The following KIF25 variants were observed in gnomAD, a reference collection of about 807,000 sequenced individuals.
KIF25 encodes the protein kinesin family member 25.
A neutral mutation model predicts 32.9 loss-of-function variants in KIF25; 19 were observed. The ratio of observed to expected loss-of-function variants is 0.58; its 90% CI spans 0.40 to 0.85. KIF25 has a LOEUF of 0.85. KIF25 is among the 40% of genes least tolerant of loss of function. KIF25 has a pLI of 0.00. For missense variants in KIF25, 485 were observed against 507.0 expected, an observed-to-expected ratio of 0.96 and a Z score of 0.42; for synonymous variants, 225 against 213.7, an observed-to-expected ratio of 1.05 and a Z score of -0.46.
intron 7 of KIF25, among the ~76,000 whole-genome samples, 158 bp from the exon 8 acceptor site, chr6:168,033,724 T>C (rs1796929663): frequency 6.6e-6 from 1 of 152,108 alleles, no homozygotes; most frequent in Non-Finnish European, 1.5e-5. Flanking sequence ...ATGCAAAAAA[T>C]AGTTGTAGTT....
intron 4 of KIF25, among the ~76,000 whole-genome samples, chr6:168,015,958 G>A (rs565096674): frequency 1.6e-4 from 25 of 152,320 alleles, no homozygotes; most frequent in African/African-American, 5.8e-4. Context: ...TATGGTTAAA[G>A]CTTGGACATT....
intron 2 of KIF25, among the ~76,000 whole-genome samples, chr6:168,000,625 T>G (rs1175281604): frequency 1.1e-5 from 1 of 94,628 alleles, no homozygotes; most frequent in Non-Finnish European, 2.2e-5. Flanking sequence ...AACCTGCCCC[T>G]CCCCACTCCC....
intron 5 of KIF25, among the ~76,000 whole-genome samples, chr6:168,022,940 C>T (rs1399123683): frequency 6.8e-6 from 1 of 146,516 alleles, no homozygotes; most frequent in African/African-American, 2.4e-5. Context: ...GGATTCTGTG[C>T]TCACTTGCGG....
chr6:168,022,467 C>G (rs1344894713), intron 5 of KIF25, among the ~76,000 whole-genome samples: 1 of 152,022 alleles, frequency 6.6e-6, no homozygotes, highest in African/African-American at 2.4e-5. Flanking sequence ...ACTCTATCAC[C>G]CAGGCTGGAG....
intron 2 of KIF25, among the ~76,000 whole-genome samples, chr6:168,001,517 G>C (rs903759441): frequency 2.0e-5 from 3 of 152,266 alleles, no homozygotes; most frequent in African/African-American, 7.2e-5. Context: ...CAGAAATGGG[G>C]CTCCTCAGCT....
In KIF25 at chr6:168,041,962, C is replaced by T. The variant is rs1180190088; in HGVS notation, c.647-7C>T. On this transcript the variant is annotated splice_polypyrimidine_tract_variant and splice_region_variant and intron_variant, in intron 10 of 12. Transcript: ENST00000643607. ...TTTCCTCCTCGTCGCTCCTTGGTCCCTTGCAGCAGACCAAGCCTGCAGTGC... is the reference window on the plus strand; with the variant it reads ...TTTCCTCCTCGTCGCTCCTTGGTCCTTTGCAGCAGACCAAGCCTGCAGTGC... The T allele has an allele frequency of 3.2e-6, 5 of 1,551,150 alleles. No individual in the cohort carries two copies. Among genetic ancestry groups the T allele is most frequent in the Admixed American group, 2.0e-5 (1 of 50,990 alleles).
chr6:168,038,150 C>A (rs1311078564), intron 8 of KIF25, among the ~76,000 whole-genome samples: 2 of 152,188 alleles, frequency 1.3e-5, no homozygotes, highest in South Asian at 2.1e-4. Context: ...AATAAACAAA[C>A]CCCATCACTG....
chr6:168,023,269 CTTTTTTTTTTT>C (rs34667438), intron 5 of KIF25, among the ~76,000 whole-genome samples: 1 of 111,926 alleles, frequency 8.9e-6, no homozygotes, highest in Non-Finnish European at 1.9e-5. Flanking sequence ...TTCCTTCTTC[CTTTTTTTTTTT>C]TTTTTTTTGA....
intron 7 of KIF25, among the ~76,000 whole-genome samples, chr6:168,032,483 C>T (rs188320244): frequency 6.6e-6 from 1 of 152,320 alleles, no homozygotes; most frequent in Admixed American, 6.5e-5. Context: ...ACTTTTTAAT[C>T]CTGGAAGGAA....
intron 5 of KIF25, among the ~76,000 whole-genome samples, chr6:168,023,331 A>G (rs927745330): frequency 3.6e-4 from 52 of 145,242 alleles, no homozygotes; most frequent in Non-Finnish European, 7.1e-4. Flanking sequence ...ACAGTGGCAC[A>G]ATCTCAGCTC....
At chr6:168,015,030 A>C (rs1368150821) in intron 4 of KIF25, among the ~76,000 whole-genome samples, 1 of 152,216 alleles carries the variant, frequency 6.6e-6, no homozygotes, top group African/African-American at 2.4e-5. Context: ...GGCAGAACTG[A>C]TAGATTTGAT....
intron 5 of KIF25, among the ~76,000 whole-genome samples, chr6:168,021,895 A>G (rs1410883282): frequency 6.6e-6 from 1 of 152,148 alleles, no homozygotes; most frequent in Non-Finnish European, 1.5e-5. Flanking sequence ...AACGTTATCA[A>G]TTTTTTCTCT....
chr6:167,999,096 C>A lies in KIF25; in HGVS notation c.-594C>A, dbSNP rs12663760. 6.6e-6 allele frequency: 1 copy of A among 152,248 alleles called. No homozygotes were observed. Among genetic ancestry groups the A allele is most frequent in the Non-Finnish European group, 1.5e-5 (1 of 68,084 alleles). The allele number at this position is 152,248 out of a possible 1,614,324, so 9.4% of individuals were successfully genotyped here. A position where few individuals can be genotyped will look rare whatever the true frequency, so the allele number is the denominator to read the frequency against. On this transcript the variant is annotated 5_prime_UTR_variant, in exon 2 of 13. Transcript: ENST00000643607. ...TAACTGTTCACTACCCTGCAGGGGT[C>A]TTTCGAAGTGGAGACAGGTGCTGCA...
At chr6:168,026,470 G>A (rs1798862648) in intron 5 of KIF25, among the ~76,000 whole-genome samples, 1 of 152,102 alleles carries the variant, frequency 6.6e-6, no homozygotes, top group African/African-American at 2.4e-5. Flanking sequence ...GGATCACCGT[G>A]TTTTTATAAA....
intron 5 of KIF25, among the ~76,000 whole-genome samples, chr6:168,022,218 T>A (rs1416942173): frequency 1.3e-5 from 2 of 152,208 alleles, no homozygotes; most frequent in Admixed American, 1.3e-4. Context: ...CTTCCTTGTA[T>A]CTCTCTGCTG....
intron 5 of KIF25, among the ~76,000 whole-genome samples, chr6:168,026,201 C>T (rs1798858044): frequency 6.6e-6 from 1 of 152,134 alleles, no homozygotes; most frequent in African/African-American, 2.4e-5. Flanking sequence ...GGGAAACCAC[C>T]CTCGGGGATC....
In KIF25 at chr6:168,015,767, G is replaced by T. The variant is rs1157934902; in HGVS notation, c.-162-2206G>T. 5.3e-5 allele frequency among the ~76,000 whole-genome samples: 8 copies of T among 152,200 alleles called. No individual in the cohort carries two copies. The South Asian group carries it at 1.0e-3, about 20-fold the overall frequency. On this transcript the variant is annotated intron_variant, in intron 4 of 12. Transcript: ENST00000643607. ...AAGCTGTTTGGAAAAACTAAACTTT[G>T]CTGTGGAATAATTTCAGATGTTTAA...
In KIF25 at chr6:168,005,622, C is replaced by T. The variant is rs1048011318; in HGVS notation, c.-163+1919C>T. ...CAAGGTCCCACAACAGCCATCTGCA[C>T]GCTGAGGAGCAAGGAGAGCCAGTCC... is the stretch of plus-strand genomic sequence containing the variant. On this transcript the variant is annotated intron_variant, in intron 4 of 12. Coordinates refer to ENST00000643607, the MANE Select transcript of KIF25 (RefSeq NM_030615.4). Among the ~76,000 whole-genome samples the T allele has an allele frequency of 8.5e-5, 13 of 152,302 alleles. No homozygotes were observed. The South Asian group carries it at 1.2e-3, about 15-fold the overall frequency.
chr6:168,044,098 T>C (rs1282290257), intron 12 of KIF25, among the ~76,000 whole-genome samples: 2 of 151,934 alleles, frequency 1.3e-5, no homozygotes, highest in East Asian at 3.9e-4. Flanking sequence ...GACACAGGAG[T>C]GTGAGTAGAA....
Sources: allele counts gnomAD v4.1 joint callset (sites outside exome capture counted in the v4.1 genomes callset), GRCh38; gene constraint gnomAD v4.1.1; transcripts MANE v1.5; gene names NCBI Gene and HGNC (gene_info 2026-07-23, HGNC 2026-07-21).